The following SLC22A23 variants were observed in gnomAD, a reference collection of about 807,000 sequenced individuals.
SLC22A23 encodes the protein solute carrier family 22 member 23.
In SLC22A23, 26 loss-of-function variants were observed where a neutral mutation model predicts 61.0. That is an observed-to-expected ratio of 0.43 (90% CI 0.31 to 0.59). The LOEUF is 0.59. Ranked by LOEUF, SLC22A23 falls within the 20% of genes least tolerant of loss-of-function variation. SLC22A23 has a pLI of 0.11. For synonymous variants in SLC22A23, 430 were observed against 413.9 expected, an observed-to-expected ratio of 1.04 and a Z score of -0.47; for missense variants, 796 against 934.7, an observed-to-expected ratio of 0.85 and a Z score of 1.94.
chr6:3,273,265 C>T lies in SLC22A23; in HGVS notation c.1851G>A (p.Leu617=). Residue 617 remains leucine (L), a synonymous_variant, in exon 10 of 10, where the codon CTG becomes CTA. Coordinates refer to ENST00000406686, the MANE Select transcript of SLC22A23 (RefSeq NM_015482.2). ...GGTTCTGGTCCCTGCTCTCGGGCAG[C>T]AGGAGGATGCAGATGATGCAGATGA... ...CTLICIICIL[L]LPESRDQNLP... 6.2e-7 allele frequency: 1 copy of T among 1,613,426 alleles called. No homozygotes were observed. The highest frequency in any genetic ancestry group is 8.5e-7 in the Non-Finnish European group (1 of 1,179,470).
rs975931714 is a variant in SLC22A23, at chr6:3,317,226, C to T, written c.1082+6608G>A. Among the ~76,000 whole-genome samples, 5 of 152,204 alleles carry T rather than the reference C, an allele frequency of 3.3e-5. No individual in the cohort carries two copies. Among genetic ancestry groups the T allele is most frequent in the Admixed American group, 6.5e-5 (1 of 15,280 alleles). ...GGTTTTCTAGGATGTTCTAACGTAA[C>T]GTAGACCTGGACCTCCAAACACAAG... On this transcript the variant is annotated intron_variant, in intron 4 of 9. Coordinates refer to ENST00000406686, the MANE Select transcript of SLC22A23 (RefSeq NM_015482.2). The surrounding 1 kb of genome is among the most constrained non-coding windows in gnomAD (Gnocchi z 4.4).
intron 1 of SLC22A23, among the ~76,000 whole-genome samples, chr6:3,420,327 A>G (rs1770036986): frequency 6.6e-6 from 1 of 152,164 alleles, no homozygotes; most frequent in South Asian, 2.1e-4. Flanking sequence ...TTTTGAAAGG[A>G]ATAATTCAAT....
intron 3 of SLC22A23, among the ~76,000 whole-genome samples, chr6:3,374,033 G>GGCAGTTGTT (rs1766400157): frequency 6.6e-6 from 1 of 152,170 alleles, no homozygotes; most frequent in Admixed American, 6.5e-5. Context: ...AAGGTCACAA[G>GGCAGTTGTT]GCTAGTTATC....
chr6:3,344,225 T>C lies in SLC22A23; in HGVS notation c.914-20223A>G, dbSNP rs1040729902. On this transcript the variant is annotated intron_variant, in intron 3 of 9. Transcript: ENST00000406686. ...ACTGATCTAGAATCTGATGTTAACA[T>C]GTCAAAATGAAAACACCTTCCTAGC... 3.3e-5 allele frequency among the ~76,000 whole-genome samples: 5 copies of C among 152,238 alleles called. 1 individual carries two copies. The highest frequency in any genetic ancestry group is 4.1e-4 in the South Asian group (2 of 4,836).
intron 5 of SLC22A23, chr6:3,291,550 C>T (rs1040488607): frequency 6.6e-6 from 1 of 152,220 alleles, no homozygotes; most frequent in African/African-American, 2.4e-5. Context: ...TGTGTGTAAG[C>T]CCACAGGGCC....
intron 3 of SLC22A23, among the ~76,000 whole-genome samples, chr6:3,371,745 G>A (rs913528): frequency 0.69 from 104,748 of 151,922 alleles, 36,343 homozygotes; most frequent in East Asian, 0.83. Flanking sequence ...TGATAAAGCA[G>A]TAACAACTAA....
At chr6:3,311,525 A>AT (rs2127381471) in intron 4 of SLC22A23, 1 of 152,266 alleles carries the variant, frequency 6.6e-6, no homozygotes, top group Admixed American at 6.5e-5. Context: ...TTCCACTTGG[A>AT]TTTTTTAAAC....
chr6:3,452,903 C>A (rs1206953702), intron 1 of SLC22A23, among the ~76,000 whole-genome samples: 1 of 152,078 alleles, frequency 6.6e-6, no homozygotes, highest in East Asian at 1.9e-4. Flanking sequence ...CTACATGAGC[C>A]TAAAACTGAG....
intron 9 of SLC22A23, among the ~76,000 whole-genome samples, chr6:3,282,806 G>A (rs866256548): frequency 4.6e-5 from 7 of 152,186 alleles, no homozygotes; most frequent in African/African-American, 1.7e-4. Flanking sequence ...TAGTGGAGGC[G>A]TGCCTTTTTA....
chr6:3,430,419 G>A (rs1051521626), intron 1 of SLC22A23, among the ~76,000 whole-genome samples: 3 of 151,932 alleles, frequency 2.0e-5, no homozygotes, highest in East Asian at 1.9e-4. Flanking sequence ...AAGCTCTTAC[G>A]TCCTGGCCTT....
At chr6:3,359,189 C>T (rs531341991) in intron 3 of SLC22A23, among the ~76,000 whole-genome samples, 10 of 152,070 alleles carry the variant, frequency 6.6e-5, no homozygotes, top group East Asian at 1.9e-4. Context: ...AGAAGGAGAG[C>T]GAGGAACATG....
rs1771797249 is a variant in SLC22A23, at chr6:3,444,752, A to G, written c.654+11154T>C. The G allele has an allele frequency of 4.1e-6, 4 of 964,408 alleles. No homozygotes were observed. In the African/African-American group the frequency reaches 7.0e-5, roughly 17 times the overall value. 59.7% of individuals were successfully genotyped at this position (964,408 alleles called of 1,614,324 possible). A position where few individuals can be genotyped will look rare whatever the true frequency, so the allele number is the denominator to read the frequency against. On this transcript the variant is annotated intron_variant, in intron 1 of 9. Transcript: ENST00000406686. ...TGGAACTTAGACACATAAACCCTGT[A>G]GAGGGTGCTTTTTGGTGGGGCTCCT...
chr6:3,281,080 G>A (rs929535675), intron 9 of SLC22A23, among the ~76,000 whole-genome samples: 3 of 152,160 alleles, frequency 2.0e-5, no homozygotes, highest in Non-Finnish European at 4.4e-5. Context: ...AGGAAGCCTC[G>A]GAGCCCACCT....
At position 3,323,956 on chromosome 6, in the gene SLC22A23, C is replaced by G. The variant is rs759935308; in HGVS notation, c.960G>C (p.Val320=). ...GGCCCGCCATGGCCACGAAGCTCGCCACCATCGTAATCATGAACCGTTTTC... is the reference window on the plus strand; with the variant it reads ...GGCCCGCCATGGCCACGAAGCTCGCGACCATCGTAATCATGAACCGTTTTC... ...PPGKRFMITM[V]ASFVAMAGQF... The change falls in exon 4 of 10, where the codon GTG becomes GTC. Residue 320 remains valine (V), a synonymous_variant. Transcript: ENST00000406686. 2 of 1,614,254 alleles carry G rather than the reference C, an allele frequency of 1.2e-6. No individual in the cohort carries two copies. Among genetic ancestry groups the G allele is most frequent in the Non-Finnish European group, 1.7e-6 (2 of 1,180,048 alleles).
In SLC22A23 at chr6:3,269,642, A is replaced by ATATT. The variant is rs1758347520; in HGVS notation, c.*3409_*3412dup. ...CCACACGTACAGAAACACAGTTTTT[A>ATATT]TATTACAACCTCAAGGACAGGGAGG... is the stretch of plus-strand genomic sequence containing the variant. On this transcript the variant is annotated 3_prime_UTR_variant, in exon 10 of 10. Transcript: ENST00000406686. 1 of 126,420 alleles carries ATATT rather than the reference A, an allele frequency of 7.9e-6. No individual in the cohort carries two copies. Among genetic ancestry groups the ATATT allele is most frequent in the Non-Finnish European group, 1.7e-5 (1 of 59,484 alleles). 7.8% of individuals were successfully genotyped at this position (126,420 alleles called of 1,614,324 possible). A position where few individuals can be genotyped will look rare whatever the true frequency, so the allele number is the denominator to read the frequency against.
intron 5 of SLC22A23, among the ~76,000 whole-genome samples, chr6:3,292,694 G>A (rs1760716153): frequency 6.6e-6 from 1 of 152,372 alleles, no homozygotes; most frequent in African/African-American, 2.4e-5. Flanking sequence ...GGCCCGATGA[G>A]CCTGGGCAGG....
chr6:3,314,820 C>T (rs1322675888), intron 4 of SLC22A23, among the ~76,000 whole-genome samples: 11 of 152,078 alleles, frequency 7.2e-5, no homozygotes, highest in Non-Finnish European at 1.2e-4. Flanking sequence ...GGGCCAGTGT[C>T]CTTTACGGCA....
intron 3 of SLC22A23, among the ~76,000 whole-genome samples, chr6:3,394,275 C>T (rs925547096): frequency 2.0e-5 from 3 of 152,128 alleles, no homozygotes; most frequent in African/African-American, 7.2e-5. Flanking sequence ...ATCACAGAGT[C>T]ATCAGATACT....
In SLC22A23 at chr6:3,301,830, G is replaced by A. The variant is rs192890569; in HGVS notation, c.1083-3612C>T. On this transcript the variant is annotated intron_variant, in intron 4 of 9. Transcript: ENST00000406686. The stretch of plus-strand genomic sequence containing the variant: ...AGGGTGGGGAGAACCGCGGAGATGT[G>A]CTCACTATACACAGTTTTGAAGCCA... Among the ~76,000 whole-genome samples the A allele has an allele frequency of 1.6e-3, 239 of 152,338 alleles. 1 individual carries two copies. The highest frequency in any genetic ancestry group is 0.014 in the Middle Eastern group (4 of 294).
Sources: gnomAD v4.1 joint callset for allele counts (sites outside exome capture counted in the v4.1 genomes callset) on GRCh38, gnomAD v4.1.1 for gene constraint, Gnocchi (gnomAD v3.1) non-coding constraint, MANE v1.5 for transcripts, NCBI Gene and HGNC (gene_info 2026-07-23, HGNC 2026-07-21) for gene names.